Variants in TTC17 observed in about 807,000 individuals in gnomAD.
The protein encoded by TTC17 is tetratricopeptide repeat domain 17.
Under a neutral mutation model 143.8 loss-of-function variants are expected in TTC17, and 58 were observed. The ratio of observed to expected loss-of-function variants is 0.40; its 90% CI spans 0.33 to 0.50. The LOEUF (loss-of-function observed/expected upper bound fraction) is 0.50, where lower values mean the gene tolerates loss of function less well. Among genes scored for constraint, TTC17 ranks in the 20% least tolerant of loss-of-function variants. TTC17 has a pLI of 0.49. For synonymous variants in TTC17, 501 were observed against 497.8 expected (o/e 1.01, Z -0.09); for missense variants, 1,273 against 1,392.5 (o/e 0.91, Z 1.37).
chr11:43,426,786 GA>G (rs1401379730), intron 16 of TTC17, among the ~76,000 whole-genome samples: 1 of 152,072 alleles, frequency 6.6e-6, no homozygotes, highest in African/African-American at 2.4e-5. Context: ...AATTTGAGGA[GA>G]AAAAAAGACA....
In TTC17 at chr11:43,396,783, A is replaced by G. The variant is rs1216726189; in HGVS notation, c.738A>G (p.Val246=). Residue 246 remains valine (V), a synonymous_variant, in exon 6 of 24, where the codon GTA becomes GTG. Coordinates refer to ENST00000039989, the MANE Select transcript of TTC17 (RefSeq NM_018259.6). Reference sequence around the variant, plus strand: ...TTAAGAATGAGCCATATCAGGTAGTAGAATGTGCCATGCGAGCACTTCACT... The same window carrying G: ...TTAAGAATGAGCCATATCAGGTAGTGGAATGTGCCATGCGAGCACTTCACT... ...WRIKNEPYQV[V]ECAMRALHFS... 5.0e-6 allele frequency: 8 copies of G among 1,611,112 alleles called. No individual in the cohort carries two copies. The highest frequency in any genetic ancestry group is 1.1e-5 in the South Asian group (1 of 90,860).
At position 43,435,070 on chromosome 11, in the gene TTC17, G is replaced by C. The variant is rs548222999; in HGVS notation, c.2252-8255G>C. The stretch of plus-strand genomic sequence containing the variant: ...TTGATTTGGTGAATCTGTACACACA[G>C]ATAAGATGATAGATAGATAGATAGA... On this transcript the variant is annotated intron_variant, in intron 16 of 23. Coordinates refer to ENST00000039989, the MANE Select transcript of TTC17 (RefSeq NM_018259.6). 2.4e-4 allele frequency: 35 copies of C among 147,170 alleles called. No individual in the cohort carries two copies. In the South Asian group the frequency reaches 4.8e-3, roughly 20 times the overall value. 9.1% of individuals were successfully genotyped at this position (147,170 alleles called of 1,614,324 possible).
intron 1 of TTC17, among the ~76,000 whole-genome samples, chr11:43,377,367 T>C (rs1355509111): frequency 6.6e-6 from 1 of 152,212 alleles, no homozygotes; most frequent in Non-Finnish European, 1.5e-5. Flanking sequence ...GAAATGTTAT[T>C]TGGCATATAA....
chr11:43,391,054 A>G (rs563639235), intron 3 of TTC17, among the ~76,000 whole-genome samples: 44 of 152,274 alleles, frequency 2.9e-4, no homozygotes, highest in Admixed American at 5.2e-4. Flanking sequence ...TTGACTAACA[A>G]TTGTGTAAAG....
intron 21 of TTC17, among the ~76,000 whole-genome samples, chr11:43,485,464 GAC>G (rs1948362945): frequency 6.6e-6 from 1 of 151,952 alleles, no homozygotes; most frequent in African/African-American, 2.4e-5. Flanking sequence ...TCTTAAAGGA[GAC>G]ACAAAATAAC....
chr11:43,444,032 C>T (rs761899613), intron 17 of TTC17, 24 bp from the exon 18 acceptor site: 1 of 1,586,552 alleles, frequency 6.3e-7, no homozygotes, highest in East Asian at 2.2e-5. Context: ...TCTCATTTGT[C>T]CCTAACATGT....
chr11:43,473,026 T>G (rs956076340), intron 21 of TTC17, among the ~76,000 whole-genome samples: 2 of 151,584 alleles, frequency 1.3e-5, no homozygotes, highest in Non-Finnish European at 1.5e-5. Flanking sequence ...AATACAAAAA[T>G]TAACCATGTG....
At chr11:43,482,581 A>T (rs1476641996) in intron 21 of TTC17, among the ~76,000 whole-genome samples, 1 of 152,098 alleles carries the variant, frequency 6.6e-6, no homozygotes, top group Non-Finnish European at 1.5e-5. Context: ...AGCTTATTCA[A>T]GCTTGTTTTA....
chr11:43,460,766 G>A (rs1326999514), intron 21 of TTC17, among the ~76,000 whole-genome samples: 1 of 152,160 alleles, frequency 6.6e-6, no homozygotes, highest in Non-Finnish European at 1.5e-5. Flanking sequence ...GGCCTCAACT[G>A]GGGTGGCTGC....
chr11:43,404,044 A>C lies in TTC17; in HGVS notation c.1379A>C (p.Asp460Ala). ...TCCAGTATGATGTCTGTGAACTTTG[A>C]TGTTCAATCAAATCAGAGTGATATC... ...STSSMMSVNFDVQSNQSDIND... is the reference protein window; with the variant it reads ...STSSMMSVNFAVQSNQSDIND... The change falls in exon 11 of 24, where the codon GAT (aspartate) becomes GCT (alanine). Residue 460 changes from aspartate to alanine, a missense_variant. Asp to Ala is a moderately radical substitution (Grantham distance 126). Transcript: ENST00000039989. 1 of 1,612,598 alleles carries C rather than the reference A, an allele frequency of 6.2e-7. No homozygotes were observed. Among genetic ancestry groups the C allele is most frequent in the Non-Finnish European group, 8.5e-7 (1 of 1,179,274 alleles).
intron 16 of TTC17, among the ~76,000 whole-genome samples, chr11:43,440,505 A>C (rs1387710329): frequency 6.6e-6 from 1 of 152,202 alleles, no homozygotes; most frequent in Non-Finnish European, 1.5e-5. Context: ...ATTTTTCTCC[A>C]TTAACATTTC....
chr11:43,441,969 T>C (rs1213779667), intron 16 of TTC17, among the ~76,000 whole-genome samples: 1 of 152,136 alleles, frequency 6.6e-6, no homozygotes. Context: ...AATGCGTCCT[T>C]GGGTGATTTT....
chr11:43,473,394 C>T (rs952260269), intron 21 of TTC17, among the ~76,000 whole-genome samples: 22 of 152,188 alleles, frequency 1.4e-4, no homozygotes, highest in Admixed American at 6.5e-4. Context: ...TAGTTTAAAA[C>T]AGAAAGGGGA....
chr11:43,413,251 T>TAG (rs1686969746), intron 15 of TTC17, among the ~76,000 whole-genome samples: 1 of 152,210 alleles, frequency 6.6e-6, no homozygotes. Context: ...GGTTTTTCAG[T>TAG]AAGTTAGTGC....
At chr11:43,384,162 TC>T (rs1857083681) in intron 2 of TTC17, among the ~76,000 whole-genome samples, 1 of 150,122 alleles carries the variant, frequency 6.7e-6, no homozygotes, top group African/African-American at 2.4e-5. Context: ...AAAAAAGAAA[TC>T]TATAGTTACC....
At chr11:43,384,644 A>G (rs1225109689) in intron 2 of TTC17, among the ~76,000 whole-genome samples, 1 of 152,232 alleles carries the variant, frequency 6.6e-6, no homozygotes, top group Admixed American at 6.5e-5. Context: ...CCTGGGTCAC[A>G]TACCAAAACC....
chr11:43,474,514 T>G (rs979853268), intron 21 of TTC17, among the ~76,000 whole-genome samples: 2 of 152,188 alleles, frequency 1.3e-5, no homozygotes, highest in Non-Finnish European at 2.9e-5. Flanking sequence ...TTTGCACAAT[T>G]ACACAAAATT....
chr11:43,387,178 A>C (rs1455707509), intron 2 of TTC17, among the ~76,000 whole-genome samples: 1 of 152,210 alleles, frequency 6.6e-6, no homozygotes, highest in African/African-American at 2.4e-5. Context: ...AACATATGAA[A>C]ATATGTTCAA....
At chr11:43,419,498 T>C (rs1946851180) in intron 16 of TTC17, among the ~76,000 whole-genome samples, 1 of 152,178 alleles carries the variant, frequency 6.6e-6, no homozygotes, top group Non-Finnish European at 1.5e-5. Context: ...CTTAAAGCAA[T>C]TTTACAGAGT....
Sources: allele counts gnomAD v4.1 joint callset (sites outside exome capture counted in the v4.1 genomes callset), GRCh38; gene constraint gnomAD v4.1.1; transcripts MANE v1.5; gene names NCBI Gene and HGNC (gene_info 2026-07-23, HGNC 2026-07-21).